ADARB2: variants seen among roughly 807,000 people sequenced by gnomAD.
The protein encoded by ADARB2 is adenosine deaminase RNA specific B2 (inactive).
Under a neutral mutation model 62.2 loss-of-function variants are expected in ADARB2, and 25 were observed. The observed-to-expected ratio is 0.40, with a 90% CI of 0.29 to 0.56. The LOEUF (loss-of-function observed/expected upper bound fraction) is 0.56, where lower values mean the gene tolerates loss of function less well. ADARB2 is among the 20% of genes least tolerant of loss of function. The probability of loss-of-function intolerance (pLI) is 0.43; values close to 1 mark genes in which losing one functional copy is unlikely to be tolerated. For synonymous variants in ADARB2, 572 were observed against 500.8 expected (o/e 1.14, Z -1.90); for missense variants, 1,071 against 1,077.4 (o/e 0.99, Z 0.08).
chr10:1,476,665 T>A (rs536677013), intron 1 of ADARB2, among the ~76,000 whole-genome samples: 1 of 152,306 alleles, frequency 6.6e-6, no homozygotes, highest in Non-Finnish European at 1.5e-5. Context: ...GCCGTTTCCA[T>A]GGCAACCAGA....
At chr10:1,598,637 T>C (rs1251440010) in intron 1 of ADARB2, among the ~76,000 whole-genome samples, 1 of 152,000 alleles carries the variant, frequency 6.6e-6, no homozygotes, top group African/African-American at 2.4e-5. Context: ...AGCAAGCCCC[T>C]GAGAGGAGAG....
chr10:1,432,752 AGG>A (rs202216951), intron 1 of ADARB2, among the ~76,000 whole-genome samples: 5,375 of 152,104 alleles, frequency 0.035, 157 homozygotes, highest in Admixed American at 0.053. Flanking sequence ...ATCAATGCAA[AGG>A]TCCCCAGGGC....
chr10:1,464,041 G>A (rs544277797), intron 1 of ADARB2, among the ~76,000 whole-genome samples: 1 of 152,386 alleles, frequency 6.6e-6, no homozygotes, highest in East Asian at 1.9e-4. Context: ...TGATGACAGT[G>A]AATGCTGACA....
chr10:1,299,119 G>A (rs1831550757), intron 3 of ADARB2, among the ~76,000 whole-genome samples: 1 of 151,934 alleles, frequency 6.6e-6, no homozygotes, highest in South Asian at 2.1e-4. Context: ...GAAGACACAT[G>A]CTCTTAAATG....
intron 3 of ADARB2, among the ~76,000 whole-genome samples, chr10:1,356,198 C>T (rs1832193513): frequency 6.6e-6 from 1 of 152,146 alleles, no homozygotes; most frequent in Non-Finnish European, 1.5e-5. Flanking sequence ...TTTTTCCTTC[C>T]CTAAAAGAGC....
At chr10:1,217,240 G>C in intron 6 of ADARB2, 121 bp from the exon 7 acceptor site, 5 of 1,015,978 alleles carry the variant, frequency 4.9e-6, no homozygotes, top group Non-Finnish European at 5.5e-6. Flanking sequence ...TGGGCGTTTG[G>C]CACGAGGAAG....
chr10:1,640,080 G>T (rs76119217), intron 1 of ADARB2, among the ~76,000 whole-genome samples: 1 of 152,286 alleles, frequency 6.6e-6, no homozygotes, highest in Non-Finnish European at 1.5e-5. Context: ...AGGGAGCATG[G>T]CGGCTATACT....
At chr10:1,544,649 C>A (rs1832491177) in intron 1 of ADARB2, among the ~76,000 whole-genome samples, 1 of 152,090 alleles carries the variant, frequency 6.6e-6, no homozygotes, top group African/African-American at 2.4e-5. Flanking sequence ...AGACCCTGCT[C>A]TTACGTCTAG....
intron 1 of ADARB2, among the ~76,000 whole-genome samples, chr10:1,681,995 A>G (rs1399311696): frequency 6.6e-6 from 1 of 152,244 alleles, no homozygotes; most frequent in Non-Finnish European, 1.5e-5. Context: ...CGGTGCTGTC[A>G]GCCAGAATAC....
At chr10:1,595,523 CA>C (rs1460536834) in intron 1 of ADARB2, among the ~76,000 whole-genome samples, 2 of 152,200 alleles carry the variant, frequency 1.3e-5, no homozygotes, top group African/African-American at 4.8e-5. Context: ...TGGTCGGAAC[CA>C]TGGCTGCCAT....
At chr10:1,229,388 G>A (rs949664697) in intron 6 of ADARB2, among the ~76,000 whole-genome samples, 7 of 152,126 alleles carry the variant, frequency 4.6e-5, no homozygotes, top group South Asian at 2.1e-4. Flanking sequence ...GGTTGCTGCC[G>A]GGAGCCAGCT....
intron 6 of ADARB2, among the ~76,000 whole-genome samples, chr10:1,225,147 A>G (rs545266960): frequency 1.3e-5 from 2 of 152,164 alleles, no homozygotes; most frequent in Non-Finnish European, 2.9e-5. Context: ...TTCTTGTTGA[A>G]TTGATCCCTT....
intron 1 of ADARB2, among the ~76,000 whole-genome samples, chr10:1,559,919 A>G (rs569607631): frequency 6.6e-4 from 101 of 152,216 alleles, no homozygotes; most frequent in Non-Finnish European, 1.3e-3. Context: ...CCCTCGGGGG[A>G]GCAGCGGGCT....
intron 1 of ADARB2, chr10:1,526,531 G>C: frequency 5.5e-6 from 1 of 180,654 alleles, no homozygotes; most frequent in Non-Finnish European, 1.2e-5. Context: ...TGCAGTGAGA[G>C]CTGATTGGTA....
In ADARB2 at chr10:1,250,897, C is replaced by T. The variant is rs1017063047; in HGVS notation, c.1193-8598G>A. On this transcript the variant is annotated intron_variant, in intron 4 of 9. Coordinates refer to ENST00000381312, the MANE Select transcript of ADARB2 (RefSeq NM_018702.4). ...TGTGGGGATGGGGTGTGAAGTGAAA[C>T]AGGTGGAACAAAGTGGGGAGTCCAG... 2.0e-5 allele frequency among the ~76,000 whole-genome samples: 3 copies of T among 152,154 alleles called. No individual in the cohort carries two copies. In the East Asian group the frequency reaches 5.8e-4, roughly 29 times the overall value.
intron 1 of ADARB2, among the ~76,000 whole-genome samples, chr10:1,645,248 C>T (rs933616724): frequency 6.6e-6 from 1 of 152,212 alleles, no homozygotes; most frequent in African/African-American, 2.4e-5. Context: ...ATTGCTTACG[C>T]ATGCATGGCT....
chr10:1,349,933 T>C (rs1398544438), intron 3 of ADARB2, among the ~76,000 whole-genome samples: 1 of 152,062 alleles, frequency 6.6e-6, no homozygotes, highest in Non-Finnish European at 1.5e-5. Context: ...CCACAACCAA[T>C]TCTCCATGCC....
chr10:1,419,220 A>G (rs1026282067), intron 1 of ADARB2, among the ~76,000 whole-genome samples: 1 of 152,114 alleles, frequency 6.6e-6, no homozygotes, highest in East Asian at 1.9e-4. Context: ...CAGCCTCCCA[A>G]GTAGCTGGGA....
rs558581063 is a variant in ADARB2 at position 1,312,242 on chromosome 10, AGTGGGGGATGCAGCTTCCACCAGGGT to A, written c.1078-41199_1078-41174del. ...GCTGGCTGGCCTGCACCAGAGATGC[AGTGGGGGATGCAGCTTCCACCAGGGT>A]GTGGGGGATGCACTTTCTGGAAGAA... is the stretch of plus-strand genomic sequence containing the variant. On this transcript the variant is annotated intron_variant, in intron 3 of 9. Transcript: ENST00000381312. Among the ~76,000 whole-genome samples the A allele has an allele frequency of 3.6e-4, 55 of 152,214 alleles. 1 individual carries two copies. The highest frequency in any genetic ancestry group is 1.1e-3 in the African/African-American group (47 of 41,526).
Sources: allele counts gnomAD v4.1 joint callset (sites outside exome capture counted in the v4.1 genomes callset), GRCh38; gene constraint gnomAD v4.1.1; transcripts MANE v1.5; gene names NCBI Gene and HGNC (gene_info 2026-07-23, HGNC 2026-07-21).